FAM167A: variants seen among roughly 807,000 people sequenced by gnomAD.
FAM167A encodes the protein family with sequence similarity 167 member A.
Under a neutral mutation model 14.9 loss-of-function variants are expected in FAM167A, and 23 were observed. The observed-to-expected ratio is 1.55, with a 90% CI of 1.11 to 2.19. The LOEUF (loss-of-function observed/expected upper bound fraction) is 2.19, where lower values mean the gene tolerates loss of function less well. Ranked by LOEUF, FAM167A falls within the 30% of genes most tolerant of loss-of-function variation. FAM167A has a pLI of 0.00. For synonymous variants in FAM167A, 174 were observed against 117.7 expected (o/e 1.48, Z -3.10); for missense variants, 401 against 281.5 (o/e 1.42, Z -3.04).
chr8:11,468,535 T>A (rs1807857461), upstream of FAM167A, among the ~76,000 whole-genome samples: 1 of 152,208 alleles, frequency 6.6e-6, no homozygotes, highest in Non-Finnish European at 1.5e-5. Context: ...GAACCATGTT[T>A]GCAAGCAGGA....
rs1804756432 is a variant in FAM167A, at chr8:11,421,896, T to A, written c.*2477A>T. 2.5e-6 allele frequency: 1 copy of A among 398,550 alleles called. No homozygotes were observed. Among genetic ancestry groups the A allele is most frequent in the East Asian group, 3.6e-5 (1 of 28,064 alleles). 24.7% of individuals were successfully genotyped at this position (398,550 alleles called of 1,614,324 possible). On this transcript the variant is annotated 3_prime_UTR_variant, in exon 3 of 3. Coordinates refer to ENST00000284486, the MANE Select transcript of FAM167A (RefSeq NM_053279.3). The stretch of plus-strand genomic sequence containing the variant: ...TCATAGACCCACAGAGAGCAGGGAC[T>A]TCACAAAGCTGAATTAATGTGGTTA...
At chr8:11,449,164 C>T (rs1309468779) in intron 1 of FAM167A, among the ~76,000 whole-genome samples, 2 of 152,218 alleles carry the variant, frequency 1.3e-5, no homozygotes, top group African/African-American at 4.8e-5. Context: ...TTTTCCTGGT[C>T]GTCAGTGTTT....
At chr8:11,464,618 C>T (rs995572562) in intron 1 of FAM167A, among the ~76,000 whole-genome samples, 12 of 152,220 alleles carry the variant, frequency 7.9e-5, no homozygotes, top group African/African-American at 2.9e-4. Flanking sequence ...CACGTGCGTG[C>T]TCTCCCACCC....
chr8:11,423,764 A>G lies in FAM167A; in HGVS notation c.*609T>C, dbSNP rs2409764. 63,393 of 156,226 alleles carry G rather than the reference A, an allele frequency of 0.41. 13,741 individuals are homozygous for G. The highest frequency in any genetic ancestry group is 0.47 in the African/African-American group (19,444 of 41,506). 9.7% of individuals were successfully genotyped at this position (156,226 alleles called of 1,614,324 possible). A position where few individuals can be genotyped will look rare whatever the true frequency, so the allele number is the denominator to read the frequency against. Reference sequence around the variant, plus strand: ...CAGAATTTACAATTTACACAGCCTTATAGTGTCAGGCTCACCAGAGACACT... The same window carrying G: ...CAGAATTTACAATTTACACAGCCTTGTAGTGTCAGGCTCACCAGAGACACT... On this transcript the variant is annotated 3_prime_UTR_variant, in exon 3 of 3. Coordinates refer to ENST00000284486, the MANE Select transcript of FAM167A (RefSeq NM_053279.3).
At position 11,424,637 on chromosome 8, in the gene FAM167A, C is replaced by A. The variant is rs1413209098; in HGVS notation, c.382-1G>T. 2 of 1,613,178 alleles carry A rather than the reference C, an allele frequency of 1.2e-6. No homozygotes were observed. The highest frequency in any genetic ancestry group is 2.7e-5 in the African/African-American group (2 of 74,862). ...GCTGGTCCTGCAGCCGCATCTCCGT[C>A]TGGAAGGGAGGGGGAGCAGGCAGGG... On this transcript the variant is annotated splice_acceptor_variant, in intron 2 of 2. Coordinates refer to ENST00000284486, the MANE Select transcript of FAM167A (RefSeq NM_053279.3). LOFTEE classifies it high-confidence loss of function.
At chr8:11,440,354 C>G (rs909681139) in intron 2 of FAM167A, among the ~76,000 whole-genome samples, 2 of 152,232 alleles carry the variant, frequency 1.3e-5, no homozygotes, top group African/African-American at 4.8e-5. Flanking sequence ...GAAGGAAAAT[C>G]TGATCTACTT....
intron 1 of FAM167A, among the ~76,000 whole-genome samples, chr8:11,475,440 T>C (rs1398729738): frequency 2.6e-5 from 4 of 152,118 alleles, no homozygotes; most frequent in Non-Finnish European, 5.9e-5. Context: ...CTCACCCTGA[T>C]GTTCAGCTGC....
intron 2 of FAM167A, among the ~76,000 whole-genome samples, chr8:11,427,210 G>A (rs541554910): frequency 8.5e-4 from 130 of 152,278 alleles, no homozygotes; most frequent in South Asian, 2.9e-3. Context: ...TAACCTTGAT[G>A]GGCCTCACAG....
chr8:11,433,580 AC>A (rs1423304219), intron 2 of FAM167A, among the ~76,000 whole-genome samples: 2 of 152,226 alleles, frequency 1.3e-5, no homozygotes, highest in African/African-American at 4.8e-5. Context: ...ATCCCAGTGC[AC>A]AGGGGCCAAC....
At chr8:11,466,878 CG>C (rs1563395280), upstream of FAM167A, 1 of 152,174 alleles carries the variant, frequency 6.6e-6, no homozygotes, top group Non-Finnish European at 1.5e-5. Flanking sequence ...GTTCTCGCCC[CG>C]GGTCCGAGCG....
At chr8:11,460,381 A>T (rs565995261) in intron 1 of FAM167A, among the ~76,000 whole-genome samples, 1 of 152,270 alleles carries the variant, frequency 6.6e-6, no homozygotes, top group East Asian at 1.9e-4. Context: ...TTTGGGTGTG[A>T]TGACCTCCGT....
At chr8:11,434,862 C>G (rs1249347324) in intron 2 of FAM167A, 2 of 360,316 alleles carry the variant, frequency 5.6e-6, no homozygotes, top group Non-Finnish European at 1.1e-5. Flanking sequence ...GTTCTGGAAG[C>G]TGTACACCCA....
At chr8:11,426,598 G>A (rs1805177235) in intron 2 of FAM167A, among the ~76,000 whole-genome samples, 1 of 152,056 alleles carries the variant, frequency 6.6e-6, no homozygotes, top group Non-Finnish European at 1.5e-5. Flanking sequence ...TGGGAGGCAG[G>A]TCTATGCCTT....
chr8:11,456,429 T>G (rs1807311879), intron 1 of FAM167A, among the ~76,000 whole-genome samples: 1 of 63,756 alleles, frequency 1.6e-5, no homozygotes. Flanking sequence ...GCTGGGTGTA[T>G]GAGTGTGTGA....
intron 1 of FAM167A, among the ~76,000 whole-genome samples, chr8:11,462,384 G>A (rs1246210344): frequency 6.6e-6 from 1 of 152,204 alleles, no homozygotes; most frequent in African/African-American, 2.4e-5. Context: ...GTACCTCACA[G>A]TCTTGGAAGG....
At chr8:11,471,141 C>G (rs1442579884), upstream of FAM167A, among the ~76,000 whole-genome samples, 1 of 152,118 alleles carries the variant, frequency 6.6e-6, no homozygotes, top group African/African-American at 2.4e-5. Context: ...TCCACCTGAG[C>G]CTAGGTGAGG....
At chr8:11,455,883 T>C (rs1184443490) in intron 1 of FAM167A, among the ~76,000 whole-genome samples, 3 of 112,922 alleles carry the variant, frequency 2.7e-5, no homozygotes, top group Non-Finnish European at 5.4e-5. Context: ...TGTGGGGTGG[T>C]TGCCTTGCAG....
At chr8:11,433,159 C>G (rs1453991272) in intron 2 of FAM167A, among the ~76,000 whole-genome samples, 2 of 151,654 alleles carry the variant, frequency 1.3e-5, no homozygotes, top group Non-Finnish European at 2.9e-5. Flanking sequence ...ACCTATGTAA[C>G]AAATCTGCAC....
chr8:11,425,097 ATGT>A (rs1198863074), intron 2 of FAM167A, among the ~76,000 whole-genome samples: 11 of 152,222 alleles, frequency 7.2e-5, no homozygotes, highest in Admixed American at 7.2e-4. Flanking sequence ...GGGGAGTGTC[ATGT>A]TGTTACATTA....
Sources: gnomAD v4.1 joint callset for allele counts (sites outside exome capture counted in the v4.1 genomes callset) on GRCh38, gnomAD v4.1.1 for gene constraint, MANE v1.5 for transcripts, NCBI Gene and HGNC (gene_info 2026-07-23, HGNC 2026-07-21) for gene names.